The following PTPRD variants were observed in gnomAD, a reference collection of about 807,000 sequenced individuals.
PTPRD encodes protein tyrosine phosphatase receptor type D, also known as receptor-type tyrosine-protein phosphatase delta.
In PTPRD, 34 loss-of-function variants were observed where a neutral mutation model predicts 214.5. The ratio of observed to expected loss-of-function variants is 0.16; its 90% confidence interval spans 0.12 to 0.21. The LOEUF (loss-of-function observed/expected upper bound fraction) is 0.21, where lower values mean the gene tolerates loss of function less well. Among genes scored for constraint, PTPRD ranks in the 10% least tolerant of loss-of-function variants. The pLI, the probability that PTPRD is intolerant of heterozygous loss-of-function variation, is 1.00. For missense variants in PTPRD, 2,545 were observed against 2,398.7 expected (o/e 1.06, Z -1.27); for synonymous variants, 1,128 against 845.7 (o/e 1.33, Z -5.79).
chr9:8,904,470 G>A (rs1447614314), intron 11 of PTPRD, among the ~76,000 whole-genome samples: 3 of 152,036 alleles, frequency 2.0e-5, no homozygotes, highest in Non-Finnish European at 4.4e-5. Flanking sequence ...TCAGGAGTTC[G>A]AGACCAGCCT....
intron 10 of PTPRD, among the ~76,000 whole-genome samples, chr9:9,149,514 C>T (rs1221678268): frequency 6.6e-6 from 1 of 152,128 alleles, no homozygotes; most frequent in Non-Finnish European, 1.5e-5. Context: ...GCCATTTTAG[C>T]AACGCATGCA....
Position 8,317,694 on chromosome 9 carries a change from C to T in PTPRD, c.*180G>A, listed in dbSNP as rs974268956. ...TTATTTTTCAGGTTAGATTATTAAA[C>T]TGTGAATTCTTGGTCCACCTGGAAT... is the stretch of plus-strand genomic sequence containing the variant. On this transcript the variant is annotated 3_prime_UTR_variant, in exon 46 of 46. Coordinates refer to ENST00000381196, the MANE Select transcript of PTPRD (RefSeq NM_002839.4). 5.9e-6 allele frequency: 3 copies of T among 505,450 alleles called. No individual in the cohort carries two copies. The highest frequency in any genetic ancestry group is 3.4e-5 in the South Asian group (1 of 29,192). The allele number at this position is 505,450 out of a possible 1,614,324, so 31.3% of individuals were successfully genotyped here. A position where few individuals can be genotyped will look rare whatever the true frequency, so the allele number is the denominator to read the frequency against.
chr9:9,001,288 G>A (rs1005524444), intron 11 of PTPRD, among the ~76,000 whole-genome samples: 1 of 151,996 alleles, frequency 6.6e-6, no homozygotes, highest in Non-Finnish European at 1.5e-5. Context: ...GGTTTAGCAG[G>A]AGCCTTTGAG....
intron 9 of PTPRD, among the ~76,000 whole-genome samples, chr9:9,248,590 G>C (rs2099974066): frequency 6.6e-6 from 1 of 152,024 alleles, no homozygotes; most frequent in African/African-American, 2.4e-5. Context: ...TGTCATCTCT[G>C]ATTATACCTG....
intron 3 of PTPRD, among the ~76,000 whole-genome samples, chr9:10,114,293 G>C (rs904362594): frequency 1.3e-5 from 2 of 152,068 alleles, no homozygotes; most frequent in Non-Finnish European, 2.9e-5. Flanking sequence ...CTATTGAAGG[G>C]GTCAAAGGAA....
intron 12 of PTPRD, among the ~76,000 whole-genome samples, chr9:8,645,185 G>C (rs919347876): frequency 6.6e-5 from 10 of 152,186 alleles, no homozygotes; most frequent in Admixed American, 2.6e-4. Flanking sequence ...CACTAGCTAA[G>C]TGAGAAACTT....
At position 8,373,913 on chromosome 9, in the gene PTPRD, T is replaced by TCTACCTACCTAC. The variant is rs151277325; in HGVS notation, c.4661+2011_4661+2022dup. 1.3e-4 allele frequency among the ~76,000 whole-genome samples: 10 copies of TCTACCTACCTAC among 78,500 alleles called. No homozygotes were observed. The South Asian group carries it at 1.6e-3, about 12-fold the overall frequency. 51.5% of individuals were successfully genotyped at this position (78,500 alleles called of 152,430 possible). A position where few individuals can be genotyped will look rare whatever the true frequency, so the allele number is the denominator to read the frequency against. ...ATCTATCTATCTATCTATCTATCTA[T>TCTACCTACCTAC]CTACCTACCTACCTATCTCAGTTTT... On this transcript the variant is annotated intron_variant, in intron 39 of 45. Transcript: ENST00000381196.
chr9:9,005,169 C>G (rs1271006339), intron 11 of PTPRD, among the ~76,000 whole-genome samples: 1 of 151,986 alleles, frequency 6.6e-6, no homozygotes, highest in African/African-American at 2.4e-5. Flanking sequence ...CTTAGAGGAG[C>G]TTAATAATAA....
At chr9:8,383,461 G>A (rs180991234) in intron 37 of PTPRD, among the ~76,000 whole-genome samples, 1 of 152,170 alleles carries the variant, frequency 6.6e-6, no homozygotes, top group African/African-American at 2.4e-5. Flanking sequence ...ACAAAATTTA[G>A]TAGGGCAGGA....
chr9:9,761,206 A>G (rs2098652884), intron 6 of PTPRD, among the ~76,000 whole-genome samples: 1 of 152,248 alleles, frequency 6.6e-6, no homozygotes, highest in Non-Finnish European at 1.5e-5. Context: ...ATGCTGATCA[A>G]AAATAAAAAT....
At chr9:8,556,112 G>A (rs563596292) in intron 14 of PTPRD, among the ~76,000 whole-genome samples, 13 of 152,268 alleles carry the variant, frequency 8.5e-5, no homozygotes, top group African/African-American at 2.9e-4. Context: ...CTCTCGCCCT[G>A]CTTAAGACTT....
intron 6 of PTPRD, among the ~76,000 whole-genome samples, chr9:9,746,989 A>C (rs1564941586): frequency 6.6e-6 from 1 of 152,200 alleles, no homozygotes. Flanking sequence ...GGAAACGTTT[A>C]ACATGTTAAA....
chr9:8,524,490 G>T (rs975745913), intron 18 of PTPRD, among the ~76,000 whole-genome samples: 37 of 152,142 alleles, frequency 2.4e-4, no homozygotes, highest in African/African-American at 8.9e-4. Context: ...AGCAGCAGGG[G>T]TCATGAAGAC....
At chr9:9,404,080 AG>A (rs1165638019) in intron 8 of PTPRD, among the ~76,000 whole-genome samples, 1 of 152,072 alleles carries the variant, frequency 6.6e-6, no homozygotes, top group Non-Finnish European at 1.5e-5. Context: ...CAATGTGACT[AG>A]AATCTAGTAA....
intron 3 of PTPRD, among the ~76,000 whole-genome samples, chr9:10,262,576 T>C (rs1029718575): frequency 1.4e-4 from 22 of 152,204 alleles, no homozygotes; most frequent in Admixed American, 1.2e-3. Context: ...AGCTCAAGTG[T>C]ATTGACAAAT....
rs139076297 is a variant in PTPRD at position 9,878,987 on chromosome 9, G to C, written c.-368+59520C>G. On this transcript the variant is annotated intron_variant, in intron 5 of 45. Transcript: ENST00000381196. The stretch of plus-strand genomic sequence containing the variant: ...ATGGATGAATGAATAAATGGGAGGA[G>C]ATTTGTTACTCTATGTGCCCTCAAA... Among the ~76,000 whole-genome samples the C allele has an allele frequency of 7.4e-3, 1,133 of 152,196 alleles. 14 individuals are homozygous for C. The highest frequency in any genetic ancestry group is 0.026 in the African/African-American group (1,084 of 41,534).
chr9:9,113,477 A>C (rs1433429364), intron 10 of PTPRD, among the ~76,000 whole-genome samples: 34 of 152,230 alleles, frequency 2.2e-4, no homozygotes, highest in Admixed American at 1.4e-3. Context: ...AAACTAGGGG[A>C]AGCTAAAATA....
chr9:9,966,634 CTG>C (rs1399791700), intron 4 of PTPRD, among the ~76,000 whole-genome samples: 1 of 152,144 alleles, frequency 6.6e-6, no homozygotes, highest in Non-Finnish European at 1.5e-5. Flanking sequence ...GCTGTGCAAA[CTG>C]TTTTAGGAAA....
At chr9:10,189,957 G>A (rs959170334) in intron 3 of PTPRD, among the ~76,000 whole-genome samples, 27 of 152,110 alleles carry the variant, frequency 1.8e-4, no homozygotes, top group Non-Finnish European at 3.8e-4. Flanking sequence ...TCACTGCAAG[G>A]AGGATCAGAA....
Sources: allele counts gnomAD v4.1 joint callset (sites outside exome capture counted in the v4.1 genomes callset), GRCh38; gene constraint gnomAD v4.1.1; transcripts MANE v1.5; gene names NCBI Gene and HGNC (gene_info 2026-07-23, HGNC 2026-07-21).